The following FAF1 variants were observed in gnomAD, a reference collection of about 807,000 sequenced individuals.
FAF1 encodes the protein Fas associated factor 1, also known as FAS-associated factor 1.
In FAF1, 25 loss-of-function variants were observed where a neutral mutation model predicts 92.5. The observed-to-expected ratio is 0.27, with a 90% CI of 0.20 to 0.38. The LOEUF (loss-of-function observed/expected upper bound fraction) is 0.38. Among genes scored for constraint, FAF1 ranks in the 10% least tolerant of loss-of-function variants. The pLI, the probability that FAF1 is intolerant of heterozygous loss-of-function variation, is 1.00. For missense variants in FAF1, 636 were observed against 793.3 expected (o/e 0.80, Z 2.38); for synonymous variants, 234 against 273.2 (o/e 0.86, Z 1.42).
At chr1:50,734,858 T>C (rs537246715) in intron 6 of FAF1, among the ~76,000 whole-genome samples, 2 of 152,154 alleles carry the variant, frequency 1.3e-5, no homozygotes, top group South Asian at 2.1e-4. Flanking sequence ...AGTTGCTAAA[T>C]AGAGATTTGT....
At chr1:50,607,265 A>T (rs1168346965) in intron 8 of FAF1, among the ~76,000 whole-genome samples, 3 of 152,168 alleles carry the variant, frequency 2.0e-5, no homozygotes, top group Non-Finnish European at 4.4e-5. Context: ...ATACTTGGGA[A>T]AAACACTATA....
At position 50,695,896 on chromosome 1, in the gene FAF1, G is replaced by A. The variant is rs181188670; in HGVS notation, c.657+9890C>T. ...ACTCCTGACCTCAGGTGATCCATTC[G>A]CCTCGTCCTCCCAAAGTACTGGGAT... On this transcript the variant is annotated intron_variant, in intron 7 of 18. Coordinates refer to ENST00000396153, the MANE Select transcript of FAF1 (RefSeq NM_007051.3). Among the ~76,000 whole-genome samples the A allele has an allele frequency of 7.8e-4, 118 of 150,596 alleles. 3 individuals carry two copies. In the East Asian group the frequency reaches 0.022, roughly 28 times the overall value.
At chr1:50,492,051 C>T (rs900646768) in intron 15 of FAF1, among the ~76,000 whole-genome samples, 5 of 151,946 alleles carry the variant, frequency 3.3e-5, no homozygotes, top group Non-Finnish European at 5.9e-5. Flanking sequence ...TTAACTTCTC[C>T]AGGTCTCAGT....
At chr1:50,563,074 G>A (rs750604889) in intron 13 of FAF1, among the ~76,000 whole-genome samples, 5 of 152,192 alleles carry the variant, frequency 3.3e-5, no homozygotes, top group Non-Finnish European at 5.9e-5. Context: ...TGGGTTATAT[G>A]TAAATACTAT....
At chr1:50,945,584 A>C (rs1481466212) in intron 1 of FAF1, among the ~76,000 whole-genome samples, 1 of 152,218 alleles carries the variant, frequency 6.6e-6, no homozygotes, top group Non-Finnish European at 1.5e-5. Flanking sequence ...TGTACACTCA[A>C]TCAGAAGCTT....
At chr1:50,657,327 C>G (rs549923213) in intron 7 of FAF1, among the ~76,000 whole-genome samples, 1 of 150,508 alleles carries the variant, frequency 6.6e-6, no homozygotes, top group South Asian at 2.1e-4. Flanking sequence ...ATTAATTCTT[C>G]AAGTTAATTA....
At chr1:50,478,952 T>G (rs1201486663) in intron 17 of FAF1, among the ~76,000 whole-genome samples, 1 of 152,242 alleles carries the variant, frequency 6.6e-6, no homozygotes, top group Non-Finnish European at 1.5e-5. Context: ...TCAACATATC[T>G]GTAAAACTAC....
At chr1:50,613,132 A>G (rs963967324) in intron 8 of FAF1, among the ~76,000 whole-genome samples, 1 of 152,198 alleles carries the variant, frequency 6.6e-6, no homozygotes, top group Non-Finnish European at 1.5e-5. Context: ...AATTTTCTAG[A>G]GAAATATATA....
rs550459095 is a variant in FAF1 at position 50,652,808 on chromosome 1, G to T, written c.744+2634C>A. Among the ~76,000 whole-genome samples the T allele has an allele frequency of 3.3e-5, 5 of 152,220 alleles. No homozygotes were observed. In the East Asian group the frequency reaches 7.7e-4, roughly 23 times the overall value. ...AACCAGCCAATTCTTGCCTGTAATTGTAATCTGTAATTACAATAACTTTTT... is the reference window on the plus strand; with the variant it reads ...AACCAGCCAATTCTTGCCTGTAATTTTAATCTGTAATTACAATAACTTTTT... On this transcript the variant is annotated intron_variant, in intron 8 of 18. Transcript: ENST00000396153.
intron 18 of FAF1, among the ~76,000 whole-genome samples, chr1:50,443,560 A>T: frequency 6.6e-6 from 1 of 152,248 alleles, no homozygotes; most frequent in Non-Finnish European, 1.5e-5. Context: ...ACAGTGGTTA[A>T]AAAGAGTGAA....
At chr1:50,488,570 T>C (rs1420703575) in intron 17 of FAF1, among the ~76,000 whole-genome samples, 1 of 152,210 alleles carries the variant, frequency 6.6e-6, no homozygotes, top group Non-Finnish European at 1.5e-5. Flanking sequence ...CCTAAAAGGA[T>C]AGTGACTAAT....
chr1:50,949,776 C>T (rs138659146), intron 1 of FAF1, among the ~76,000 whole-genome samples: 130 of 152,310 alleles, frequency 8.5e-4, no homozygotes, highest in African/African-American at 2.9e-3. Flanking sequence ...CTCAGTCCCA[C>T]GGCTGCCAAG....
Position 50,953,400 on chromosome 1 carries a change from AAAATAAATAAAT to A in FAF1, c.45+6355_45+6366del, listed in dbSNP as rs1018810652. Among the ~76,000 whole-genome samples the A allele has an allele frequency of 8.1e-4, 123 of 151,740 alleles. 1 individual carries two copies. The highest frequency in any genetic ancestry group is 2.7e-3 in the African/African-American group (110 of 41,472). On this transcript the variant is annotated intron_variant, in intron 1 of 18. Transcript: ENST00000396153. ...CCAAGAATAATCAATAAATACTATA[AAAATAAATAAAT>A]AAATAAATAAATTTTTAAAAAAAGA...
chr1:50,447,283 G>A (rs1459735483), intron 18 of FAF1, among the ~76,000 whole-genome samples: 3 of 151,818 alleles, frequency 2.0e-5, no homozygotes, highest in Non-Finnish European at 4.4e-5. Flanking sequence ...CCGCCACCAC[G>A]CCTGGCTCAT....
chr1:50,536,093 A>G (rs1391106928), intron 14 of FAF1, among the ~76,000 whole-genome samples: 1 of 152,222 alleles, frequency 6.6e-6, no homozygotes, highest in Admixed American at 6.5e-5. Context: ...AAGAAATAGT[A>G]ATTCAATTTC....
At chr1:50,599,866 G>A (rs1652014595) in intron 8 of FAF1, among the ~76,000 whole-genome samples, 1 of 152,156 alleles carries the variant, frequency 6.6e-6, no homozygotes, top group Non-Finnish European at 1.5e-5. Flanking sequence ...GACCAGAGGT[G>A]TTTCAGACTT....
chr1:50,621,844 C>G (rs1166272448), intron 8 of FAF1, among the ~76,000 whole-genome samples: 1 of 152,128 alleles, frequency 6.6e-6, no homozygotes, highest in East Asian at 1.9e-4. Flanking sequence ...ATGCCGACCA[C>G]ACTCCTGTCT....
intron 4 of FAF1, among the ~76,000 whole-genome samples, chr1:50,786,995 C>T (rs1162983807): frequency 1.3e-5 from 2 of 152,066 alleles, no homozygotes; most frequent in Non-Finnish European, 2.9e-5. Context: ...AAGGATCTCC[C>T]CTAAAAGGAA....
chr1:50,868,386 T>A (rs1644499344), intron 1 of FAF1, among the ~76,000 whole-genome samples: 1 of 152,190 alleles, frequency 6.6e-6, no homozygotes, highest in South Asian at 2.1e-4. Flanking sequence ...TTTGCTTTCA[T>A]TATTTTCTCT....
Sources: allele counts gnomAD v4.1 joint callset (sites outside exome capture counted in the v4.1 genomes callset), GRCh38; gene constraint gnomAD v4.1.1; transcripts MANE v1.5; gene names NCBI Gene and HGNC (gene_info 2026-07-23, HGNC 2026-07-21).